The following WAPL variants were observed in gnomAD, a reference collection of about 807,000 sequenced individuals.
The protein encoded by WAPL is WAPL cohesin release factor.
A neutral mutation model predicts 121.0 loss-of-function variants in WAPL; 5 were observed. The observed-to-expected ratio is 0.04, with a 90% CI of 0.02 to 0.09. The LOEUF is 0.09. Ranked by LOEUF, WAPL falls within the 10% of genes least tolerant of loss-of-function variation. The probability of loss-of-function intolerance (pLI) is 1.00; values close to 1 mark genes in which losing one functional copy is unlikely to be tolerated. For synonymous variants in WAPL, 480 were observed against 481.5 expected (o/e 1.00, Z 0.04); for missense variants, 999 against 1,410.8 (o/e 0.71, Z 4.68).
intron 17 of WAPL, among the ~76,000 whole-genome samples, chr10:86,439,375 G>A (rs1331304957): frequency 6.6e-6 from 1 of 152,168 alleles, no homozygotes; most frequent in Non-Finnish European, 1.5e-5. Flanking sequence ...AGGTGTCTCT[G>A]GAGAACTGCT....
Position 86,435,980 on chromosome 10 carries a change from G to A in WAPL, c.*1563C>T, listed in dbSNP as rs1200034944. The A allele has an allele frequency of 6.6e-6, 1 of 152,282 alleles. No homozygotes were observed. Among genetic ancestry groups the A allele is most frequent in the Non-Finnish European group, 1.5e-5 (1 of 68,010 alleles). The allele number at this position is 152,282 out of a possible 1,614,324, so 9.4% of individuals were successfully genotyped here. On this transcript the variant is annotated 3_prime_UTR_variant, in exon 19 of 19. Coordinates refer to ENST00000298767, the MANE Select transcript of WAPL (RefSeq NM_015045.5). ...CAAATACAATCTCAATGGTTCCCAC[G>A]TTACACTGGCGTACTATGTTCTTAA...
At chr10:86,483,996 G>A (rs1362676579) in intron 4 of WAPL, among the ~76,000 whole-genome samples, 1 of 151,084 alleles carries the variant, frequency 6.6e-6, no homozygotes, top group African/African-American at 2.4e-5. Context: ...CGGGATTACA[G>A]GCGTGAGCCA....
chr10:86,479,682 T>C (rs10736338), intron 4 of WAPL, among the ~76,000 whole-genome samples: 146,523 of 152,364 alleles, frequency 0.96, 70,599 homozygotes, highest in East Asian at 1. Flanking sequence ...TCCAGCTTTA[T>C]CCACCCAAGG....
intron 2 of WAPL, 108 bp downstream of exon 2, chr10:86,517,463 T>C (rs1297107486): frequency 1.0e-5 from 14 of 1,398,404 alleles, no homozygotes; most frequent in Non-Finnish European, 1.3e-5. Flanking sequence ...TCCCCATGTA[T>C]CATAAGTGCA....
At chr10:86,521,125 G>A (rs372125157) in intron 1 of WAPL, among the ~76,000 whole-genome samples, 1 of 152,244 alleles carries the variant, frequency 6.6e-6, no homozygotes, top group Non-Finnish European at 1.5e-5. Flanking sequence ...ACTCGGGGCT[G>A]AAATCAACAC....
At chr10:86,511,758 C>T (rs1348939568) in intron 2 of WAPL, among the ~76,000 whole-genome samples, 2 of 152,016 alleles carry the variant, frequency 1.3e-5, no homozygotes, top group Admixed American at 6.6e-5. Context: ...TACTGAGACA[C>T]GGTCTCTACA....
intron 4 of WAPL, among the ~76,000 whole-genome samples, chr10:86,474,727 A>G (rs1159270465): frequency 6.6e-6 from 1 of 152,140 alleles, no homozygotes; most frequent in African/African-American, 2.4e-5. Flanking sequence ...ACTCCGTCTC[A>G]AAAAAATTTA....
intron 4 of WAPL, among the ~76,000 whole-genome samples, chr10:86,484,485 A>AT (rs1182725811): frequency 2.0e-5 from 3 of 152,202 alleles, no homozygotes; most frequent in Non-Finnish European, 4.4e-5. Flanking sequence ...ACAGAGGGAG[A>AT]TTGTCTCAAA....
At chr10:86,515,728 G>A (rs991919140) in intron 2 of WAPL, among the ~76,000 whole-genome samples, 4 of 152,102 alleles carry the variant, frequency 2.6e-5, no homozygotes, top group African/African-American at 4.8e-5. Context: ...GTTGCAGTGA[G>A]GCAAGACTGC....
At chr10:86,473,792 A>T in intron 5 of WAPL, 86 bp downstream of exon 5, 1 of 1,090,798 alleles carries the variant, frequency 9.2e-7, no homozygotes. Flanking sequence ...GAAAAGTCAA[A>T]GATTTACAAA....
chr10:86,495,752 G>T (rs981593988), intron 4 of WAPL, among the ~76,000 whole-genome samples: 4 of 152,096 alleles, frequency 2.6e-5, no homozygotes, highest in Non-Finnish European at 4.4e-5. Flanking sequence ...GAAAATATTT[G>T]TAAACCATAT....
intron 3 of WAPL, among the ~76,000 whole-genome samples, chr10:86,498,819 C>G (rs1009620069): frequency 6.6e-6 from 1 of 152,086 alleles, no homozygotes; most frequent in Admixed American, 6.6e-5. Flanking sequence ...CCTTGAGGAC[C>G]CTTAGTCACT....
At position 86,496,371 on chromosome 10, in the gene WAPL, G is replaced by C. The variant is rs1423362171; in HGVS notation, c.1644+830C>G. Among the ~76,000 whole-genome samples the C allele has an allele frequency of 2.6e-5, 4 of 152,074 alleles. No individual in the cohort carries two copies. The South Asian group carries it at 8.3e-4, about 32-fold the overall frequency. On this transcript the variant is annotated intron_variant, in intron 4 of 18. Transcript: ENST00000298767. ...GTAAAATGGTGCAGACAACCACAGA[G>C]AACAGTTTGGCAGTTCCTCAGAAAG... is the stretch of plus-strand genomic sequence containing the variant.
At chr10:86,511,026 C>T (rs1842454200) in intron 2 of WAPL, among the ~76,000 whole-genome samples, 1 of 151,290 alleles carries the variant, frequency 6.6e-6, no homozygotes, top group Non-Finnish European at 1.5e-5. Context: ...TGGGATGTCA[C>T]TATGTTGACC....
chr10:86,498,466 ATAAAT>A (rs1842190116), intron 3 of WAPL, among the ~76,000 whole-genome samples: 1 of 152,172 alleles, frequency 6.6e-6, no homozygotes, highest in Non-Finnish European at 1.5e-5. Context: ...GTTTTGAAGA[ATAAAT>A]TAAGCAAAAC....
chr10:86,455,110 G>C (rs1188883259), intron 12 of WAPL, among the ~76,000 whole-genome samples: 3 of 134,370 alleles, frequency 2.2e-5, no homozygotes, highest in East Asian at 4.9e-4. Flanking sequence ...CAGGAGGTGG[G>C]GGGGTGCCTC....
In WAPL at chr10:86,521,720, C is replaced by A; in HGVS notation, c.-378G>T. 1 of 457,772 alleles carries A rather than the reference C, an allele frequency of 2.2e-6. No homozygotes were observed. Among genetic ancestry groups the A allele is most frequent in the South Asian group, 1.6e-5 (1 of 62,762 alleles). 28.4% of individuals were successfully genotyped at this position (457,772 alleles called of 1,614,324 possible). A position where few individuals can be genotyped will look rare whatever the true frequency, so the allele number is the denominator to read the frequency against. Reference sequence around the variant, plus strand: ...GGTCAGTGCTGGAGTTTGAACAGGGCCCTGAACCATCTCAACGCCATTTGC... The same window carrying A: ...GGTCAGTGCTGGAGTTTGAACAGGGACCTGAACCATCTCAACGCCATTTGC... On this transcript the variant is annotated 5_prime_UTR_variant, in exon 1 of 19. Coordinates refer to ENST00000298767, the MANE Select transcript of WAPL (RefSeq NM_015045.5).
At chr10:86,506,156 G>A (rs1283349301) in intron 2 of WAPL, among the ~76,000 whole-genome samples, 1 of 152,110 alleles carries the variant, frequency 6.6e-6, no homozygotes, top group African/African-American at 2.4e-5. Context: ...GATTACCTGT[G>A]CCCAGAAGAT....
chr10:86,465,117 T>C (rs1461843853), intron 9 of WAPL, among the ~76,000 whole-genome samples: 1 of 152,208 alleles, frequency 6.6e-6, no homozygotes, highest in Non-Finnish European at 1.5e-5. Flanking sequence ...AAGCATCCTA[T>C]AAATTTTTGT....
Sources: gnomAD v4.1 joint callset for allele counts (sites outside exome capture counted in the v4.1 genomes callset) on GRCh38, gnomAD v4.1.1 for gene constraint, MANE v1.5 for transcripts, NCBI Gene and HGNC (gene_info 2026-07-23, HGNC 2026-07-21) for gene names.